The following ZNF469 variants were observed in gnomAD, a reference collection of about 807,000 sequenced individuals.
ZNF469 encodes zinc finger protein 469.
In ZNF469, 1 loss-of-function variant was observed where a neutral mutation model predicts 1.0. The observed-to-expected ratio is 1.00, with a 90% CI of 0.35 to 4.73. The LOEUF (loss-of-function observed/expected upper bound fraction) is 4.73. Among genes scored for constraint, ZNF469 ranks in the 30% most tolerant of loss-of-function variants. The pLI is 0.16. For synonymous variants in ZNF469, 2,703 were observed against 2,363.4 expected (o/e 1.14, Z -4.17); for missense variants, 6,100 against 5,356.3 (o/e 1.14, Z -4.33).
intron 1 of ZNF469, among the ~76,000 whole-genome samples, chr16:88,411,304 G>T (rs1905153643): frequency 6.6e-6 from 1 of 152,104 alleles, no homozygotes; most frequent in African/African-American, 2.4e-5. Context: ...TCAGACCCCA[G>T]CGAGCCAGCA....
rs182777392 is a variant in ZNF469 at position 88,424,744 on chromosome 16, C to T, written c.-191-63C>T. Among the ~76,000 whole-genome samples the T allele has an allele frequency of 1.3e-5, 2 of 152,240 alleles. No individual in the cohort carries two copies. The highest frequency in any genetic ancestry group is 3.9e-4 in the East Asian group (2 of 5,168). Reference sequence around the variant, plus strand: ...CGCTCCCTCCCACCTGGCTTCTCCTCGGGCTCTTGGTCCAGAGCCATGCAC... The same window carrying T: ...CGCTCCCTCCCACCTGGCTTCTCCTTGGGCTCTTGGTCCAGAGCCATGCAC... On this transcript the variant is annotated intron_variant, in intron 1 of 2. Transcript: ENST00000565624. This position sits in a 1 kb window ranked among gnomAD's most constrained non-coding sequence, Gnocchi z 4.3.
At chr16:88,162,043 T>C in the ZNF469 span, among the ~76,000 whole-genome samples, 2 of 152,230 alleles carry the variant, frequency 1.3e-5, no homozygotes, top group Non-Finnish European at 2.9e-5. Context: ...TGAAGATTTG[T>C]CCAATTTTTT....
the ZNF469 span, among the ~76,000 whole-genome samples, chr16:88,163,518 ATGG>A: frequency 2.7e-5 from 4 of 150,606 alleles, no homozygotes; most frequent in Non-Finnish European, 5.9e-5. Context: ...GGATGGATGG[ATGG>A]ATGGATGGAT....
chr16:88,266,671 A>G, the ZNF469 span, among the ~76,000 whole-genome samples: 1 of 152,202 alleles, frequency 6.6e-6, no homozygotes, highest in African/African-American at 2.4e-5. Flanking sequence ...GGCGCTGGGA[A>G]AGTTCTGAGG....
At chr16:88,376,043 G>A in the ZNF469 span, among the ~76,000 whole-genome samples, 10 of 152,340 alleles carry the variant, frequency 6.6e-5, no homozygotes, top group Admixed American at 3.9e-4. Flanking sequence ...AAGAAAACCC[G>A]CGTACACTGA....
At position 88,432,955 on chromosome 16, in the gene ZNF469, C is replaced by T; in HGVS notation, c.5485C>T (p.His1829Tyr). The part of the protein sequence containing the change: ...ATWPFGASPS[H>Y]AAQGHSAGRA... Reference sequence around the variant, plus strand: ...CTGGCCTTTTGGTGCCAGTCCCAGCCATGCTGCCCAGGGACATTCTGCAGG... The same window carrying T: ...CTGGCCTTTTGGTGCCAGTCCCAGCTATGCTGCCCAGGGACATTCTGCAGG... The change falls in exon 3 of 3, where the codon CAT becomes TAT. Residue 1829 changes from histidine to tyrosine, a missense_variant. Physicochemically the swap from His to Tyr is moderately conservative, Grantham distance 83. Transcript: ENST00000565624. 6.4e-7 allele frequency: 1 copy of T among 1,550,430 alleles called. No individual in the cohort carries two copies. Among genetic ancestry groups the T allele is most frequent in the Non-Finnish European group, 8.7e-7 (1 of 1,146,988 alleles).
chr16:88,178,694 G>A, the ZNF469 span: 2 of 152,194 alleles, frequency 1.3e-5, no homozygotes. Flanking sequence ...TTTGTTTTGT[G>A]CAGACTTGGG....
the ZNF469 span, among the ~76,000 whole-genome samples, chr16:88,141,351 G>A: frequency 3.3e-5 from 5 of 152,288 alleles, no homozygotes; most frequent in East Asian, 3.9e-4. Flanking sequence ...CATGCAGCCC[G>A]GGAAAGACGC....
At chr16:88,328,467 G>A in the ZNF469 span, among the ~76,000 whole-genome samples, 9 of 152,156 alleles carry the variant, frequency 5.9e-5, no homozygotes, top group African/African-American at 9.7e-5. Context: ...CATGGCTACC[G>A]TCGAAGCTCT....
At chr16:88,164,976 G>T in the ZNF469 span, among the ~76,000 whole-genome samples, 4,391 of 152,314 alleles carry the variant, frequency 0.029, 215 homozygotes, top group African/African-American at 0.1. Flanking sequence ...CCGAGGGAAG[G>T]CAGGGCCATC....
At chr16:88,260,910 G>A in the ZNF469 span, among the ~76,000 whole-genome samples, 1 of 152,198 alleles carries the variant, frequency 6.6e-6, no homozygotes, top group Non-Finnish European at 1.5e-5. This position sits in a 1 kb window ranked among gnomAD's most constrained non-coding sequence, Gnocchi z 4.1. Context: ...GAGAAAAGGA[G>A]GAGGCTGCGT....
At chr16:88,111,111 C>G in the ZNF469 span, among the ~76,000 whole-genome samples, 18 of 152,192 alleles carry the variant, frequency 1.2e-4, no homozygotes, top group Non-Finnish European at 2.5e-4. Context: ...CTGTCAGGGC[C>G]CCTCCCGCAC....
the ZNF469 span, among the ~76,000 whole-genome samples, chr16:88,261,741 G>A: frequency 3.0e-3 from 459 of 152,282 alleles, 2 homozygotes; most frequent in African/African-American, 0.011. This position sits in a 1 kb window ranked among gnomAD's most constrained non-coding sequence, Gnocchi z 6.0. Context: ...GTCTCGGGTG[G>A]GGGCTGCCTC....
rs996190496 is a variant in ZNF469, at chr16:88,438,450, G to A, written c.10980G>A (p.Gly3660=). ...CAAGCCACATGGTGTCTGAGGGGGG[G>A]CCCCGAGGCGCCTTCCACAAGGGCA... ...VSSSHMVSEG[G]PRGAFHKGSA... Residue 3660 remains glycine (G), a synonymous_variant, in exon 3 of 3, where the codon GGG becomes GGA. Coordinates refer to ENST00000565624, the MANE Select transcript of ZNF469 (RefSeq NM_001367624.2). 1.4e-5 allele frequency: 22 copies of A among 1,550,032 alleles called. No individual in the cohort carries two copies. The highest frequency in any genetic ancestry group is 1.7e-4 in the Middle Eastern group (1 of 6,014).
chr16:88,400,510 T>C (rs531634342), intron 1 of ZNF469, among the ~76,000 whole-genome samples: 32 of 152,298 alleles, frequency 2.1e-4, no homozygotes, highest in Non-Finnish European at 3.7e-4. Flanking sequence ...AGTTTGCTCG[T>C]CCCTGCTTTC....
At chr16:88,246,393 G>A in the ZNF469 span, among the ~76,000 whole-genome samples, 1 of 152,190 alleles carries the variant, frequency 6.6e-6, no homozygotes, top group Non-Finnish European at 1.5e-5. Flanking sequence ...AAGGAGCTGG[G>A]GGACCAGGAA....
At chr16:88,397,020 G>GAGGCCGGGAGGAGACCCTCATGAAGAC (rs1453351101) in intron 1 of ZNF469, among the ~76,000 whole-genome samples, 1 of 151,410 alleles carries the variant, frequency 6.6e-6, no homozygotes, top group African/African-American at 2.4e-5. Context: ...CTCCTGAAGG[G>GAGGCCGGGAGGAGACCCTCATGAAGAC]AGGCCGGGAG....
rs1053274537 is a variant in ZNF469 at position 88,438,731 on chromosome 16, G to A, written c.11261G>A (p.Ser3754Asn). 3 of 1,550,040 alleles carry A rather than the reference G, an allele frequency of 1.9e-6. No homozygotes were observed. The highest frequency in any genetic ancestry group is 1.2e-5 in the South Asian group (1 of 84,030). The change falls in exon 3 of 3, where the codon AGC becomes AAC. Residue 3754 changes from serine to asparagine, a missense_variant. By Grantham distance (46) the Ser-to-Asn change is conservative (BLOSUM62 1). Transcript: ENST00000565624. ...GGTGGCAGCCAGCCCCAGCCAGCCA[G>A]CGGGCAGCTCCAGAGCGAGACAGCC... The part of the protein sequence containing the change: ...TGGGSQPQPA[S>N]GQLQSETATT...
chr16:88,254,208 GA>G, the ZNF469 span, among the ~76,000 whole-genome samples: 1 of 152,186 alleles, frequency 6.6e-6, no homozygotes, highest in African/African-American at 2.4e-5. Flanking sequence ...GATAGAGGTA[GA>G]GATTTATTTC....
Sources: allele counts gnomAD v4.1 joint callset (sites outside exome capture counted in the v4.1 genomes callset), GRCh38; gene constraint gnomAD v4.1.1; non-coding constraint Gnocchi (gnomAD v3.1); transcripts MANE v1.5; gene names NCBI Gene and HGNC (gene_info 2026-07-23, HGNC 2026-07-21).